Variants in RAD50 observed in about 807,000 individuals in gnomAD.
The protein encoded by RAD50 is RAD50 double strand break repair protein.
A neutral mutation model predicts 168.8 loss-of-function variants in RAD50; 132 were observed. That is an observed-to-expected ratio of 0.78 (90% confidence interval 0.68 to 0.90). The LOEUF is 0.90. RAD50 is among the 40% of genes least tolerant of loss of function. The probability of loss-of-function intolerance (pLI) is 0.00; values close to 1 mark genes in which losing one functional copy is unlikely to be tolerated. For missense variants in RAD50, 1,347 were observed against 1,534.4 expected (o/e 0.88, Z 2.04); for synonymous variants, 525 against 497.4 (o/e 1.06, Z -0.74).
chr5:132,619,883 TATAGAG>T (rs1386413878), intron 21 of RAD50, among the ~76,000 whole-genome samples: 2 of 124,108 alleles, frequency 1.6e-5, no homozygotes, highest in Non-Finnish European at 3.3e-5. Flanking sequence ...TATATATATA[TATAGAG>T]AGAGAGAGAG....
At chr5:132,602,377 T>A (rs931222176) in intron 13 of RAD50, among the ~76,000 whole-genome samples, 10 of 152,070 alleles carry the variant, frequency 6.6e-5, no homozygotes, top group Non-Finnish European at 8.8e-5. Context: ...AAATTTTTTT[T>A]AAAAGATTAA....
chr5:132,614,035 T>G (rs971319064), intron 19 of RAD50, among the ~76,000 whole-genome samples: 1 of 152,206 alleles, frequency 6.6e-6, no homozygotes, highest in African/African-American at 2.4e-5. Flanking sequence ...TAGATGTATC[T>G]GACTTCAAAG....
chr5:132,613,594 CTTTTTT>C (rs869151568), intron 19 of RAD50, among the ~76,000 whole-genome samples: 1 of 111,162 alleles, frequency 9.0e-6, no homozygotes, highest in African/African-American at 3.7e-5. Flanking sequence ...TCACAATAGT[CTTTTTT>C]TTTTTTTTTT....
rs376167941 is a variant in RAD50 at position 132,608,752 on chromosome 5, A to G, written c.2829+27A>G. 1.7e-5 allele frequency: 27 copies of G among 1,554,412 alleles called. No individual in the cohort carries two copies. In the African/African-American group the frequency reaches 3.6e-4, roughly 21 times the overall value. On this transcript the variant is annotated intron_variant, in intron 17 of 24. Coordinates refer to ENST00000378823, the MANE Select transcript of RAD50 (RefSeq NM_005732.4). Reference sequence around the variant, plus strand: ...TAAGATTTCATTTATATATTTACTTATCAAATATCTGTATTAAACTTATGT... The same window carrying G: ...TAAGATTTCATTTATATATTTACTTGTCAAATATCTGTATTAAACTTATGT...
chr5:132,567,002 G>A (rs2149833688), intron 2 of RAD50, among the ~76,000 whole-genome samples: 1 of 152,268 alleles, frequency 6.6e-6, no homozygotes, highest in Non-Finnish European at 1.5e-5. Context: ...AGCACACCTT[G>A]TCTACATTTA....
chr5:132,603,657 G>A (rs553907933), intron 14 of RAD50, among the ~76,000 whole-genome samples, 168 bp downstream of exon 14: 1 of 152,194 alleles, frequency 6.6e-6, no homozygotes, highest in African/African-American at 2.4e-5. Context: ...TTACATCCCT[G>A]GGTTTAAACT....
intron 2 of RAD50, among the ~76,000 whole-genome samples, chr5:132,565,655 G>A (rs1750194882): frequency 6.6e-6 from 1 of 152,066 alleles, no homozygotes; most frequent in Non-Finnish European, 1.5e-5. Flanking sequence ...TTCTCAGTCT[G>A]ATACTTTATA....
Position 132,642,385 on chromosome 5 carries a change from C to T in RAD50, c.*21C>T. 6.2e-7 allele frequency: 1 copy of T among 1,600,084 alleles called. No individual in the cohort carries two copies. The highest frequency in any genetic ancestry group is 8.6e-7 in the Non-Finnish European group (1 of 1,167,718). On this transcript the variant is annotated 3_prime_UTR_variant, in exon 25 of 25. Transcript: ENST00000378823. ...ATTAAAAATATCCAAGATTTAAATGCCATAGAAATGTAGGTCCTCAGAAAG... is the reference window on the plus strand; with the variant it reads ...ATTAAAAATATCCAAGATTTAAATGTCATAGAAATGTAGGTCCTCAGAAAG...
In RAD50 at chr5:132,597,239, A is replaced by G. The variant is rs1750806676; in HGVS notation, c.2207+1429A>G. On this transcript the variant is annotated intron_variant, in intron 13 of 24. Transcript: ENST00000378823. ...TCAGGAAAAGGAGAAAGAAAGGCCT[A>G]AGAAGATGTGGTTTGTGGCAGCCAA... 3.3e-5 allele frequency among the ~76,000 whole-genome samples: 5 copies of G among 152,158 alleles called. No individual in the cohort carries two copies. The South Asian group carries it at 8.3e-4, about 25-fold the overall frequency.
chr5:132,589,952 A>G (rs1360998210), intron 9 of RAD50, 115 bp downstream of exon 9: 10 of 978,288 alleles, frequency 1.0e-5, no homozygotes, highest in Non-Finnish European at 1.5e-5. Flanking sequence ...ACTTTGTCTT[A>G]TTCTCATGTA....
In RAD50 at chr5:132,645,858, G is replaced by A. The variant is rs963755518; in HGVS notation, c.*3494G>A. The A allele has an allele frequency of 3.3e-5, 5 of 152,106 alleles. No individual in the cohort carries two copies. Among genetic ancestry groups the A allele is most frequent in the African/African-American group, 1.2e-4 (5 of 41,412 alleles). The allele number at this position is 152,106 out of a possible 1,614,324, so 9.4% of individuals were successfully genotyped here. On this transcript the variant is annotated 3_prime_UTR_variant, in exon 25 of 25. Coordinates refer to ENST00000378823, the MANE Select transcript of RAD50 (RefSeq NM_005732.4). ...TAGTTACTGGCTTGCCATGTGTACCGACACAGCTGCTTTCCACAGTTTAAA... is the reference window on the plus strand; with the variant it reads ...TAGTTACTGGCTTGCCATGTGTACCAACACAGCTGCTTTCCACAGTTTAAA...
At position 132,642,356 on chromosome 5, in the gene RAD50, G is replaced by A. The variant is rs863224743; in HGVS notation, c.3931G>A (p.Val1311Ile). Residue 1311 changes from valine (V) to isoleucine (I), a missense_variant, in exon 25 of 25, where the codon GTT becomes ATT. Coordinates refer to ENST00000378823, the MANE Select transcript of RAD50 (RefSeq NM_005732.4). ...KCSVSSLGFN[V>I]H ...CAGTGTTAGCTCCCTGGGATTCAAT[G>A]TTCATTAAAAATATCCAAGATTTAA... 2.5e-6 allele frequency: 4 copies of A among 1,613,136 alleles called. No individual in the cohort carries two copies. The East Asian group carries it at 8.9e-5, about 36-fold the overall frequency.
chr5:132,600,177 C>G (rs1417268243), intron 13 of RAD50: 1 of 152,160 alleles, frequency 6.6e-6, no homozygotes, highest in Non-Finnish European at 1.5e-5. Flanking sequence ...AGTCCCTGCC[C>G]TCATGGAGTT....
chr5:132,643,634 G>A lies in RAD50; in HGVS notation c.*1270G>A, dbSNP rs537040268. Reference sequence around the variant, plus strand: ...AGACAGGTCCTGATTTCTAGAACCCGTGACTGTTACTTTATACAGCAAAGG... The same window carrying A: ...AGACAGGTCCTGATTTCTAGAACCCATGACTGTTACTTTATACAGCAAAGG... On this transcript the variant is annotated 3_prime_UTR_variant, in exon 25 of 25. Transcript: ENST00000378823. 4.2e-4 allele frequency: 83 copies of A among 196,966 alleles called. No individual in the cohort carries two copies. The highest frequency in any genetic ancestry group is 1.7e-3 in the African/African-American group (74 of 42,778). The allele number at this position is 196,966 out of a possible 1,614,324, so 12.2% of individuals were successfully genotyped here.
At chr5:132,568,114 A>T (rs1386302200) in intron 2 of RAD50, among the ~76,000 whole-genome samples, 1 of 151,584 alleles carries the variant, frequency 6.6e-6, no homozygotes. Flanking sequence ...TCTGTTTCCC[A>T]GGCTGGAGTG....
At chr5:132,577,440 G>C (rs1353180314) in intron 3 of RAD50, among the ~76,000 whole-genome samples, 1 of 152,156 alleles carries the variant, frequency 6.6e-6, no homozygotes, top group African/African-American at 2.4e-5. Flanking sequence ...AAATTCAAGG[G>C]ATTAAAATGT....
intron 24 of RAD50, 93 bp from the exon 25 acceptor site, chr5:132,642,085 G>A: frequency 1.5e-6 from 2 of 1,357,898 alleles, no homozygotes; most frequent in Non-Finnish European, 2.1e-6. Flanking sequence ...CACAGCACAA[G>A]TTCATGTGTC....
intron 5 of RAD50, among the ~76,000 whole-genome samples, chr5:132,582,476 C>G (rs1217676604): frequency 1.3e-5 from 2 of 152,078 alleles, no homozygotes; most frequent in Non-Finnish European, 2.9e-5. Context: ...GTCAAATCAC[C>G]TTCCCAGAAA....
intron 2 of RAD50, among the ~76,000 whole-genome samples, chr5:132,566,272 C>T (rs149233756): frequency 1.3e-5 from 2 of 152,138 alleles, no homozygotes; most frequent in East Asian, 1.9e-4. Flanking sequence ...GCTAGGTCCT[C>T]GAAAAGTAGA....
Sources: allele counts gnomAD v4.1 joint callset (sites outside exome capture counted in the v4.1 genomes callset), GRCh38; gene constraint gnomAD v4.1.1; transcripts MANE v1.5; gene names NCBI Gene and HGNC (gene_info 2026-07-23, HGNC 2026-07-21).